SFXN5: variants seen among roughly 807,000 people sequenced by gnomAD.
SFXN5 encodes the protein sideroflexin 5, also known as sideroflexin-5.
In SFXN5, 43 loss-of-function variants were observed where a neutral mutation model predicts 50.2. The ratio of observed to expected loss-of-function variants is 0.86; its 90% CI spans 0.67 to 1.11. The LOEUF (loss-of-function observed/expected upper bound fraction) is 1.11. SFXN5 is among the 50% of genes least tolerant of loss of function. The pLI is 0.00. For missense variants in SFXN5, 463 were observed against 454.1 expected (o/e 1.02, Z -0.18); for synonymous variants, 203 against 185.8 (o/e 1.09, Z -0.75).
At chr2:72,968,128 CACA>C (rs984544409) in intron 12 of SFXN5, among the ~76,000 whole-genome samples, 8 of 123,290 alleles carry the variant, frequency 6.5e-5, no homozygotes, top group Non-Finnish European at 1.5e-4. Flanking sequence ...TGAAAACACA[CACA>C]CACACACACA....
intron 9 of SFXN5, among the ~76,000 whole-genome samples, chr2:72,994,287 ACTTT>A (rs1372958637): frequency 3.9e-5 from 6 of 152,164 alleles, no homozygotes; most frequent in African/African-American, 1.4e-4. Context: ...TCTCATGACT[ACTTT>A]CCAGTCTGAC....
chr2:72,968,800 CTT>C (rs1674799128), intron 11 of SFXN5, among the ~76,000 whole-genome samples: 2 of 150,672 alleles, frequency 1.3e-5, no homozygotes, highest in South Asian at 2.1e-4. Flanking sequence ...CTCTCTCTCT[CTT>C]TCTTTCTTTC....
chr2:73,050,362 G>T (rs1681084789), intron 2 of SFXN5, among the ~76,000 whole-genome samples: 1 of 141,588 alleles, frequency 7.1e-6, no homozygotes, highest in Admixed American at 7.1e-5. Context: ...TTGAAATCTT[G>T]GTGGAGGTAG....
rs1210069629 is a variant in SFXN5, at chr2:72,973,689, T to C, written c.626-2004A>G. On this transcript the variant is annotated intron_variant, in intron 10 of 13. Coordinates refer to ENST00000272433, the MANE Select transcript of SFXN5 (RefSeq NM_144579.3). The surrounding 1 kb of genome is among the most constrained non-coding windows in gnomAD (Gnocchi z 5.5). Reference sequence around the variant, plus strand: ...GGTTCCAATTCTGGCTCCATATCTCTCCCGCCTCAGCCCCAGGCGCCCAGG... The same window carrying C: ...GGTTCCAATTCTGGCTCCATATCTCCCCCGCCTCAGCCCCAGGCGCCCAGG... Among the ~76,000 whole-genome samples, 1 of 152,120 alleles carries C rather than the reference T, an allele frequency of 6.6e-6. No homozygotes were observed. Among genetic ancestry groups the C allele is most frequent in the African/African-American group, 2.4e-5 (1 of 41,420 alleles).
chr2:72,999,113 C>T, intron 8 of SFXN5, 99 bp from the exon 9 acceptor site: 1 of 1,316,034 alleles, frequency 7.6e-7, no homozygotes, highest in Non-Finnish European at 1.1e-6. Flanking sequence ...TCCTGCCCAC[C>T]AGCCTGGAAA....
intron 13 of SFXN5, among the ~76,000 whole-genome samples, chr2:72,948,511 G>A (rs1048049206): frequency 1.3e-5 from 2 of 152,182 alleles, no homozygotes; most frequent in African/African-American, 4.8e-5. Flanking sequence ...GCCATTATTA[G>A]CAACTTCCCA....
At chr2:72,969,096 C>T (rs1227447210) in intron 11 of SFXN5, among the ~76,000 whole-genome samples, 2 of 152,140 alleles carry the variant, frequency 1.3e-5, no homozygotes, top group Non-Finnish European at 2.9e-5. Context: ...GTGTGAACCA[C>T]CGTGCCTGGC....
intron 9 of SFXN5, among the ~76,000 whole-genome samples, chr2:72,989,952 C>G (rs1270469665): frequency 3.9e-5 from 6 of 152,198 alleles, no homozygotes; most frequent in African/African-American, 1.4e-4. Flanking sequence ...GCTCAGCAGC[C>G]CACCCTGTGC....
intron 2 of SFXN5, among the ~76,000 whole-genome samples, chr2:73,044,195 CA>C (rs1025256326): frequency 2.6e-5 from 4 of 152,166 alleles, no homozygotes; most frequent in African/African-American, 9.7e-5. Context: ...GCCCTCCTAC[CA>C]AAAGAATAAA....
chr2:73,023,477 T>C (rs917663050), intron 3 of SFXN5, among the ~76,000 whole-genome samples: 1 of 152,198 alleles, frequency 6.6e-6, no homozygotes, highest in Non-Finnish European at 1.5e-5. Flanking sequence ...CAACTATGTC[T>C]GCACTTTAGA....
At chr2:73,052,016 A>AT (rs771499675) in intron 2 of SFXN5, among the ~76,000 whole-genome samples, 91 of 150,468 alleles carry the variant, frequency 6.0e-4, no homozygotes, top group South Asian at 2.1e-3. Flanking sequence ...GAACTCACGG[A>AT]TTTTTTTTTT....
chr2:72,980,380 A>G (rs1289788460), intron 10 of SFXN5, among the ~76,000 whole-genome samples: 1 of 152,198 alleles, frequency 6.6e-6, no homozygotes, highest in African/African-American at 2.4e-5. Context: ...TCACACTCGA[A>G]TCACAGCAGA....
chr2:73,063,477 T>G (rs574710388), intron 1 of SFXN5, among the ~76,000 whole-genome samples: 2 of 152,228 alleles, frequency 1.3e-5, no homozygotes, highest in South Asian at 4.2e-4. Flanking sequence ...AGCAAGACTG[T>G]GTGAAAAGGA....
intron 7 of SFXN5, 73 bp from the exon 8 acceptor site, chr2:73,000,560 G>A: frequency 4.9e-6 from 7 of 1,416,610 alleles, no homozygotes; most frequent in Non-Finnish European, 6.8e-6. Context: ...GACCCCAGGA[G>A]GCCACACATC....
At chr2:72,958,466 C>G (rs1673346231) in intron 13 of SFXN5, among the ~76,000 whole-genome samples, 1 of 152,168 alleles carries the variant, frequency 6.6e-6, no homozygotes, top group East Asian at 1.9e-4. Context: ...CCTTGAAAAT[C>G]CTTCTAACTG....
intron 3 of SFXN5, among the ~76,000 whole-genome samples, chr2:73,034,451 C>T (rs1342650969): frequency 6.6e-6 from 1 of 152,262 alleles, no homozygotes; most frequent in East Asian, 1.9e-4. Context: ...ACCCCATTGC[C>T]TTCCTGCCAG....
chr2:72,970,115 A>C (rs1403341101), intron 11 of SFXN5, among the ~76,000 whole-genome samples: 1 of 152,198 alleles, frequency 6.6e-6, no homozygotes, highest in African/African-American at 2.4e-5. Context: ...TGACACTGAC[A>C]GGAGTTATCA....
intron 9 of SFXN5, among the ~76,000 whole-genome samples, chr2:72,995,285 G>C (rs1055728787): frequency 2.0e-5 from 3 of 152,242 alleles, no homozygotes; most frequent in Non-Finnish European, 4.4e-5. Context: ...TTTGTTAAAA[G>C]ACAGCAAACT....
chr2:72,982,319 G>A (rs1671405970), intron 10 of SFXN5, among the ~76,000 whole-genome samples: 1 of 152,120 alleles, frequency 6.6e-6, no homozygotes, highest in African/African-American at 2.4e-5. Context: ...CCACAGTGAT[G>A]GTAAAAATGT....
Sources: allele counts gnomAD v4.1 joint callset (sites outside exome capture counted in the v4.1 genomes callset), GRCh38; gene constraint gnomAD v4.1.1; non-coding constraint Gnocchi (gnomAD v3.1); transcripts MANE v1.5; gene names NCBI Gene and HGNC (gene_info 2026-07-23, HGNC 2026-07-21).